PRMT3: variants seen among roughly 807,000 people sequenced by gnomAD.
The protein encoded by PRMT3 is protein arginine N-methyltransferase 3.
A neutral mutation model predicts 71.9 loss-of-function variants in PRMT3; 62 were observed. That is an observed-to-expected ratio of 0.86 (90% CI 0.70 to 1.07). The LOEUF is 1.07. Among genes scored for constraint, PRMT3 ranks in the 50% least tolerant of loss-of-function variants. The probability of loss-of-function intolerance (pLI) is 0.00; values close to 1 mark genes in which losing one functional copy is unlikely to be tolerated. For synonymous variants in PRMT3, 213 were observed against 220.4 expected, an observed-to-expected ratio of 0.97 and a Z score of 0.30; for missense variants, 663 against 643.0, an observed-to-expected ratio of 1.03 and a Z score of -0.34.
intron 12 of PRMT3, 49 bp downstream of exon 12, chr11:20,462,216 T>G: frequency 7.1e-7 from 1 of 1,406,810 alleles, no homozygotes; most frequent in Non-Finnish European, 9.7e-7. Flanking sequence ...GCTATTTTTC[T>G]TAGTTCAGCA....
chr11:20,411,927 A>C, intron 9 of PRMT3, among the ~76,000 whole-genome samples: 1 of 152,196 alleles, frequency 6.6e-6, no homozygotes, highest in East Asian at 1.9e-4. Flanking sequence ...TTTTTAACAA[A>C]ACAAATTGTA....
At chr11:20,454,287 C>A (rs1451173902) in intron 11 of PRMT3, among the ~76,000 whole-genome samples, 3 of 152,094 alleles carry the variant, frequency 2.0e-5, no homozygotes, top group African/African-American at 7.2e-5. Context: ...ATCCAAGTAA[C>A]TGTTTCCAGA....
chr11:20,450,551 C>T (rs904515734), intron 10 of PRMT3, among the ~76,000 whole-genome samples: 1 of 152,120 alleles, frequency 6.6e-6, no homozygotes, highest in Non-Finnish European at 1.5e-5. Flanking sequence ...ATGTTTCTGT[C>T]AAATCCTTAA....
At chr11:20,480,290 T>C (rs988994579) in intron 13 of PRMT3, among the ~76,000 whole-genome samples, 1 of 152,206 alleles carries the variant, frequency 6.6e-6, no homozygotes, top group African/African-American at 2.4e-5. Flanking sequence ...AATGATTTGC[T>C]CACTTCTCTG....
At chr11:20,430,155 A>G (rs1483176910) in intron 10 of PRMT3, among the ~76,000 whole-genome samples, 1 of 152,072 alleles carries the variant, frequency 6.6e-6, no homozygotes, top group African/African-American at 2.4e-5. Flanking sequence ...TATTTATTTT[A>G]TTTTTTACAT....
At chr11:20,478,243 A>C (rs1251785406) in intron 13 of PRMT3, among the ~76,000 whole-genome samples, 2 of 152,134 alleles carry the variant, frequency 1.3e-5, no homozygotes, top group Non-Finnish European at 2.9e-5. Context: ...GTCTTTTGCA[A>C]CCTTCTACAT....
At chr11:20,462,891 A>G (rs1345119708) in intron 12 of PRMT3, among the ~76,000 whole-genome samples, 1 of 150,084 alleles carries the variant, frequency 6.7e-6, no homozygotes, top group East Asian at 1.9e-4. Flanking sequence ...AAAAAAAAAG[A>G]GTCTCACTCT....
intron 15 of PRMT3, among the ~76,000 whole-genome samples, chr11:20,502,929 A>G (rs1437304768): frequency 6.6e-6 from 1 of 152,206 alleles, no homozygotes; most frequent in Non-Finnish European, 1.5e-5. Context: ...AATACAAATC[A>G]GAGCAATCAC....
chr11:20,461,164 T>C (rs564608674), intron 11 of PRMT3, among the ~76,000 whole-genome samples: 2 of 152,320 alleles, frequency 1.3e-5, no homozygotes, highest in African/African-American at 4.8e-5. Flanking sequence ...TCAATTAGAT[T>C]GTATATGGGC....
At chr11:20,501,535 A>G (rs929881798) in intron 15 of PRMT3, among the ~76,000 whole-genome samples, 8 of 152,170 alleles carry the variant, frequency 5.3e-5, no homozygotes, top group Non-Finnish European at 1.2e-4. Context: ...CTATAGTTAT[A>G]TTGAAACTAA....
At chr11:20,451,906 A>G (rs1447426925) in intron 10 of PRMT3, among the ~76,000 whole-genome samples, 1 of 152,168 alleles carries the variant, frequency 6.6e-6, no homozygotes, top group African/African-American at 2.4e-5. Flanking sequence ...AAGAAAATGC[A>G]GTATATTTTA....
At chr11:20,392,874 C>A (rs772896708) in intron 4 of PRMT3, 23 bp from the exon 5 acceptor site, 3 of 1,416,464 alleles carry the variant, frequency 2.1e-6, no homozygotes, top group South Asian at 2.5e-5. Flanking sequence ...ATGAAAAAAA[C>A]ATGAGATTAA....
chr11:20,418,626 A>G (rs1052419656), intron 9 of PRMT3, among the ~76,000 whole-genome samples: 4 of 152,194 alleles, frequency 2.6e-5, no homozygotes, highest in African/African-American at 9.6e-5. Context: ...AAGCAATGGG[A>G]ACATTTTTCT....
chr11:20,413,731 T>C (rs1280249232), intron 9 of PRMT3, among the ~76,000 whole-genome samples: 2 of 152,168 alleles, frequency 1.3e-5, no homozygotes, highest in Non-Finnish European at 2.9e-5. Flanking sequence ...TATTCTCTTA[T>C]ACCATAAAAC....
In PRMT3 at chr11:20,414,165, G is replaced by A. The variant is rs190335671; in HGVS notation, c.893+6133G>A. 7.1e-4 allele frequency among the ~76,000 whole-genome samples: 108 copies of A among 152,056 alleles called. No homozygotes were observed. The Middle Eastern group carries it at 0.01, about 14-fold the overall frequency. The stretch of plus-strand genomic sequence containing the variant: ...ACCAAGGAGTTTAAGACCAACCTGG[G>A]CAAGATAGAACTGTCTCTACCAAAA... On this transcript the variant is annotated intron_variant, in intron 9 of 15. Coordinates refer to ENST00000331079, the MANE Select transcript of PRMT3 (RefSeq NM_005788.4).
intron 15 of PRMT3, among the ~76,000 whole-genome samples, chr11:20,496,606 G>T (rs1193601841): frequency 8.4e-6 from 1 of 119,086 alleles, no homozygotes; most frequent in African/African-American, 3.2e-5. Context: ...TAGGATTAGG[G>T]CAGGCTACAA....
intron 3 of PRMT3, among the ~76,000 whole-genome samples, chr11:20,390,469 A>G (rs1037416213): frequency 3.3e-5 from 5 of 152,232 alleles, no homozygotes; most frequent in African/African-American, 4.8e-5. Flanking sequence ...GTCATTTGAA[A>G]AAAGACAATC....
At chr11:20,487,874 C>A (rs550948243) in intron 13 of PRMT3, among the ~76,000 whole-genome samples, 1 of 151,940 alleles carries the variant, frequency 6.6e-6, no homozygotes, top group Non-Finnish European at 1.5e-5. Context: ...GGAAGCAATC[C>A]CAAATAAATT....
chr11:20,458,004 A>G (rs1309359845), intron 11 of PRMT3, among the ~76,000 whole-genome samples: 2 of 152,198 alleles, frequency 1.3e-5, no homozygotes, highest in East Asian at 3.8e-4. Flanking sequence ...AAATGAGTCC[A>G]ATTTCCAAAT....
Sources: gnomAD v4.1 joint callset for allele counts (sites outside exome capture counted in the v4.1 genomes callset) on GRCh38, gnomAD v4.1.1 for gene constraint, MANE v1.5 for transcripts, NCBI Gene and HGNC (gene_info 2026-07-23, HGNC 2026-07-21) for gene names.